UNC13C: variants seen among roughly 807,000 people sequenced by gnomAD.
The protein encoded by UNC13C is unc-13 homolog C, also known as protein unc-13 homolog C.
In UNC13C, 174 loss-of-function variants were observed where a neutral mutation model predicts 245.4. The observed-to-expected ratio is 0.71, with a 90% CI of 0.63 to 0.80. The LOEUF (loss-of-function observed/expected upper bound fraction) is 0.80, where lower values mean the gene tolerates loss of function less well. Among genes scored for constraint, UNC13C ranks in the 30% least tolerant of loss-of-function variants. UNC13C has a pLI of 0.00. For synonymous variants in UNC13C, 992 were observed against 895.1 expected (o/e 1.11, Z -1.93); for missense variants, 2,829 against 2,602.9 (o/e 1.09, Z -1.89).
At chr15:54,142,986 A>G (rs2032091984) in intron 2 of UNC13C, 32 bp from the exon 3 acceptor site, 2 of 1,605,534 alleles carry the variant, frequency 1.2e-6, no homozygotes, top group Non-Finnish European at 1.7e-6. Flanking sequence ...TCCATCTAAC[A>G]TTTATCCCTT....
intron 30 of UNC13C, among the ~76,000 whole-genome samples, chr15:54,620,455 C>T (rs28430508): frequency 0.14 from 21,114 of 152,210 alleles, 1,522 homozygotes; most frequent in Middle Eastern, 0.23. Flanking sequence ...TATTGCCCTA[C>T]TTAGAATGTT....
intron 18 of UNC13C, among the ~76,000 whole-genome samples, chr15:54,395,547 A>T (rs1331853643): frequency 1.3e-5 from 2 of 151,920 alleles, no homozygotes; most frequent in Non-Finnish European, 2.9e-5. Flanking sequence ...CAATGAAGGC[A>T]CAGATCAATA....
chr15:54,333,598 A>G (rs1012155729), intron 15 of UNC13C, among the ~76,000 whole-genome samples, 169 bp from the exon 16 acceptor site: 5 of 152,082 alleles, frequency 3.3e-5, no homozygotes, highest in Non-Finnish European at 7.4e-5. Context: ...CAAATTGTTT[A>G]CGTTCTATAA....
In UNC13C at chr15:54,338,670, C is replaced by T. The variant is rs111865322; in HGVS notation, c.4713+181C>T. On this transcript the variant is annotated intron_variant, in intron 17 of 32. Transcript: ENST00000260323. ...TCACTTTCACATACATGAACTAATT[C>T]GCTCCTTAAAATAACTTTATCTAGT... Among the ~76,000 whole-genome samples the T allele has an allele frequency of 5.7e-3, 867 of 152,126 alleles. 4 individuals are homozygous for T. Among genetic ancestry groups the T allele is most frequent in the African/African-American group, 0.02 (825 of 41,480 alleles).
intron 30 of UNC13C, among the ~76,000 whole-genome samples, chr15:54,618,023 T>C (rs1900554458): frequency 6.6e-6 from 1 of 152,122 alleles, no homozygotes; most frequent in Non-Finnish European, 1.5e-5. Context: ...GTTTTCTATA[T>C]CATGTTTCAT....
intron 2 of UNC13C, among the ~76,000 whole-genome samples, chr15:54,019,122 T>A (rs1429729397): frequency 1.3e-5 from 2 of 152,238 alleles, no homozygotes; most frequent in Middle Eastern, 3.2e-3. Context: ...CTATTAATTT[T>A]ATTTTATTAT....
At chr15:54,587,246 G>T (rs1898541799) in intron 30 of UNC13C, among the ~76,000 whole-genome samples, 1 of 150,402 alleles carries the variant, frequency 6.6e-6, no homozygotes, top group African/African-American at 2.5e-5. Flanking sequence ...TCAAACTGTT[G>T]TGTCATGTTG....
At chr15:54,246,167 T>G (rs867231655) in intron 7 of UNC13C, among the ~76,000 whole-genome samples, 7 of 151,666 alleles carry the variant, frequency 4.6e-5, no homozygotes, top group African/African-American at 1.7e-4. Context: ...GTGTCCTAAT[T>G]GTTCCAAAAG....
intron 19 of UNC13C, among the ~76,000 whole-genome samples, chr15:54,446,763 C>G (rs1348970913): frequency 1.3e-5 from 2 of 152,110 alleles, no homozygotes; most frequent in African/African-American, 4.8e-5. Flanking sequence ...TCCTCTTTTC[C>G]CAGTTGAACG....
chr15:54,381,635 T>G (rs1254721783), intron 17 of UNC13C, among the ~76,000 whole-genome samples: 1 of 152,188 alleles, frequency 6.6e-6, no homozygotes, highest in Non-Finnish European at 1.5e-5. Flanking sequence ...CTTTTATTCC[T>G]ATTTATAGAT....
chr15:54,063,149 G>C (rs1429768133), intron 2 of UNC13C, among the ~76,000 whole-genome samples: 2 of 152,156 alleles, frequency 1.3e-5, no homozygotes, highest in Admixed American at 6.5e-5. Context: ...TCACGAATTA[G>C]AGCTAATAAG....
chr15:54,328,859 T>A (rs2038365469), intron 14 of UNC13C, among the ~76,000 whole-genome samples: 1 of 152,144 alleles, frequency 6.6e-6, no homozygotes, highest in Non-Finnish European at 1.5e-5. Context: ...TGTGAAACAT[T>A]AAAACTATCT....
At chr15:53,886,249 A>C in the UNC13C span, among the ~76,000 whole-genome samples, 1 of 152,112 alleles carries the variant, frequency 6.6e-6, no homozygotes, top group East Asian at 1.9e-4. Flanking sequence ...CTTCTGGGAG[A>C]AATGACTGCT....
intron 19 of UNC13C, among the ~76,000 whole-genome samples, chr15:54,448,001 A>G (rs1425108700): frequency 6.6e-6 from 1 of 152,148 alleles, no homozygotes; most frequent in Non-Finnish European, 1.5e-5. Context: ...TTCAAAGAAC[A>G]TCTTTATTTC....
intron 4 of UNC13C, among the ~76,000 whole-genome samples, chr15:54,177,842 A>G (rs1432612810): frequency 6.6e-6 from 1 of 152,066 alleles, no homozygotes; most frequent in Non-Finnish European, 1.5e-5. Context: ...CAATAACATG[A>G]TTTTCTATAA....
chr15:53,870,482 C>T, the UNC13C span, among the ~76,000 whole-genome samples: 1 of 146,138 alleles, frequency 6.8e-6, no homozygotes, highest in Admixed American at 6.9e-5. Flanking sequence ...GGGTGAGTGC[C>T]TCATCCCAGT....
At chr15:54,042,735 A>C (rs963584155) in intron 2 of UNC13C, among the ~76,000 whole-genome samples, 1 of 152,030 alleles carries the variant, frequency 6.6e-6, no homozygotes, top group East Asian at 1.9e-4. Flanking sequence ...TGCCTGTGGT[A>C]CCAGCTACTC....
chr15:54,038,823 A>G (rs1896696859), intron 2 of UNC13C, among the ~76,000 whole-genome samples: 1 of 152,228 alleles, frequency 6.6e-6, no homozygotes, highest in South Asian at 2.1e-4. Flanking sequence ...TATTTCTAAC[A>G]TTTTAATACA....
chr15:54,442,250 C>CTT (rs35414078), intron 19 of UNC13C, among the ~76,000 whole-genome samples: 39,735 of 127,222 alleles, frequency 0.31, 6,534 homozygotes, highest in East Asian at 0.5. Flanking sequence ...TGTTCCAGTT[C>CTT]TTTTTTTTTT....
Sources: gnomAD v4.1 joint callset for allele counts (sites outside exome capture counted in the v4.1 genomes callset) on GRCh38, gnomAD v4.1.1 for gene constraint, MANE v1.5 for transcripts, NCBI Gene and HGNC (gene_info 2026-07-23, HGNC 2026-07-21) for gene names.